The following SNTG1 variants were observed in gnomAD, a reference collection of about 807,000 sequenced individuals.
The protein encoded by SNTG1 is gamma-1-syntrophin.
A neutral mutation model predicts 74.7 loss-of-function variants in SNTG1; 39 were observed. That is an observed-to-expected ratio of 0.52 (90% CI 0.40 to 0.68). The LOEUF (loss-of-function observed/expected upper bound fraction) is 0.68. Among genes scored for constraint, SNTG1 ranks in the 30% least tolerant of loss-of-function variants. The pLI is 0.00. For missense variants in SNTG1, 685 were observed against 609.5 expected, an observed-to-expected ratio of 1.12 and a Z score of -1.30; for synonymous variants, 254 against 217.1, an observed-to-expected ratio of 1.17 and a Z score of -1.49.
chr8:50,400,569 T>A (rs1043878878), intron 3 of SNTG1, among the ~76,000 whole-genome samples: 1 of 152,200 alleles, frequency 6.6e-6, no homozygotes, highest in Non-Finnish European at 1.5e-5. Flanking sequence ...TTTTAAGGAA[T>A]CTTCATACTG....
chr8:50,442,680 T>TAAAAAAAAAAAAAAAAAAAAAAAAAAAA (rs5891365), intron 5 of SNTG1, among the ~76,000 whole-genome samples: 1 of 81,170 alleles, frequency 1.2e-5, no homozygotes, highest in African/African-American at 5.1e-5. Flanking sequence ...TGTCTATCAG[T>TAAAAAAAAAAAAAAAAAAAAAAAAAAAA]AAAAAAAAAA....
At position 50,769,939 on chromosome 8, in the gene SNTG1, C is replaced by A. The variant is rs568580607; in HGVS notation, c.1395+17828C>A. Among the ~76,000 whole-genome samples the A allele has an allele frequency of 6.6e-4, 101 of 152,140 alleles. 1 individual carries two copies. Among genetic ancestry groups the A allele is most frequent in the Middle Eastern group, 3.4e-3 (1 of 294 alleles). On this transcript the variant is annotated intron_variant, in intron 18 of 18. Transcript: ENST00000642720. ...CAGAGATAGGCAATGTAATAAGTTT[C>A]TATTTTTATTTGCCAAACTCAGTAA...
chr8:50,138,859 A>G (rs986504480), intron 1 of SNTG1, among the ~76,000 whole-genome samples: 2 of 152,054 alleles, frequency 1.3e-5, no homozygotes, highest in Non-Finnish European at 2.9e-5. Context: ...TCCTAAGCAA[A>G]TAAAAACTAT....
At chr8:50,366,944 G>T (rs2092132108) in intron 2 of SNTG1, among the ~76,000 whole-genome samples, 1 of 147,662 alleles carries the variant, frequency 6.8e-6, no homozygotes, top group Non-Finnish European at 1.5e-5. Context: ...ATATAATATA[G>T]TATACTATAA....
At chr8:50,435,657 T>C (rs1362504969) in intron 4 of SNTG1, among the ~76,000 whole-genome samples, 1 of 152,172 alleles carries the variant, frequency 6.6e-6, no homozygotes, top group Non-Finnish European at 1.5e-5. Flanking sequence ...AAACACTAAG[T>C]AACTTGTTTT....
chr8:50,582,696 A>G (rs2094618879), intron 12 of SNTG1, among the ~76,000 whole-genome samples: 1 of 152,194 alleles, frequency 6.6e-6, no homozygotes, highest in South Asian at 2.1e-4. Flanking sequence ...TTATTGAATA[A>G]GTCTGGAGGT....
intron 1 of SNTG1, among the ~76,000 whole-genome samples, chr8:49,961,132 C>T (rs912485905): frequency 2.0e-5 from 3 of 152,162 alleles, no homozygotes; most frequent in African/African-American, 7.2e-5. Flanking sequence ...TATGCAGGGT[C>T]ACCCTGTTCT....
rs187606690 is a variant in SNTG1 at position 50,628,485 on chromosome 8, C to T, written c.850-28424C>T. 2.0e-4 allele frequency among the ~76,000 whole-genome samples: 31 copies of T among 152,232 alleles called. No individual in the cohort carries two copies. In the East Asian group the frequency reaches 6.0e-3, roughly 29 times the overall value. ...TGTACATGGAGGGTCTCCTTTGCTTCTCTTCCAGAACTGTCATGTTCTAGT... is the reference window on the plus strand; with the variant it reads ...TGTACATGGAGGGTCTCCTTTGCTTTTCTTCCAGAACTGTCATGTTCTAGT... On this transcript the variant is annotated intron_variant, in intron 13 of 18. Coordinates refer to ENST00000642720, the MANE Select transcript of SNTG1 (RefSeq NM_018967.5).
At chr8:50,612,202 GA>G (rs2094855411) in intron 13 of SNTG1, among the ~76,000 whole-genome samples, 1 of 152,082 alleles carries the variant, frequency 6.6e-6, no homozygotes, top group Admixed American at 6.5e-5. Flanking sequence ...TGCTTTCTAA[GA>G]GTTTTTGAAA....
At chr8:50,073,133 T>G (rs1168224430) in intron 1 of SNTG1, among the ~76,000 whole-genome samples, 1 of 152,220 alleles carries the variant, frequency 6.6e-6, no homozygotes, top group African/African-American at 2.4e-5. Flanking sequence ...CAATTCTGTT[T>G]GATGGCACTT....
intron 13 of SNTG1, among the ~76,000 whole-genome samples, chr8:50,613,640 A>G (rs566790535): frequency 6.6e-6 from 1 of 152,286 alleles, no homozygotes; most frequent in Non-Finnish European, 1.5e-5. Context: ...CAAAATACAC[A>G]TACATGGCTG....
chr8:49,926,292 A>G (rs1201034930), intron 1 of SNTG1, among the ~76,000 whole-genome samples: 1 of 151,734 alleles, frequency 6.6e-6, no homozygotes, highest in Non-Finnish European at 1.5e-5. Context: ...TGTGAAAGGT[A>G]ACAAAAAATC....
intron 1 of SNTG1, among the ~76,000 whole-genome samples, chr8:50,001,051 C>T (rs1814695519): frequency 6.6e-6 from 1 of 152,180 alleles, no homozygotes; most frequent in Non-Finnish European, 1.5e-5. Flanking sequence ...TCATACGCCA[C>T]TGCATTAGGG....
intron 15 of SNTG1, among the ~76,000 whole-genome samples, chr8:50,685,952 G>C (rs2095350725): frequency 6.6e-6 from 1 of 151,124 alleles, no homozygotes; most frequent in Non-Finnish European, 1.5e-5. Context: ...ATAGAGACAT[G>C]TGTGTGTGTG....
intron 1 of SNTG1, among the ~76,000 whole-genome samples, chr8:49,977,863 G>A (rs766494177): frequency 6.6e-6 from 1 of 152,212 alleles, no homozygotes; most frequent in African/African-American, 2.4e-5. Context: ...GTGGAGATGT[G>A]GCACCACAAA....
intron 9 of SNTG1, among the ~76,000 whole-genome samples, chr8:50,512,280 G>C (rs181696589): frequency 2.0e-5 from 3 of 152,060 alleles, no homozygotes; most frequent in East Asian, 3.9e-4. Flanking sequence ...TCCACCGAGA[G>C]ATCAGCTGTT....
intron 12 of SNTG1, among the ~76,000 whole-genome samples, chr8:50,558,636 G>GC (rs367645964): frequency 0.034 from 5,038 of 146,280 alleles, 135 homozygotes; most frequent in African/African-American, 0.065. Flanking sequence ...TGGCTGCAGT[G>GC]TTTTTTTTTT....
At chr8:50,721,418 CTT>C (rs957827875) in intron 17 of SNTG1, among the ~76,000 whole-genome samples, 14 of 152,112 alleles carry the variant, frequency 9.2e-5, no homozygotes, top group Non-Finnish European at 2.1e-4. Flanking sequence ...TTATGGGAAA[CTT>C]TTCACATATG....
At chr8:50,360,387 G>A (rs1191974311) in intron 2 of SNTG1, among the ~76,000 whole-genome samples, 2 of 151,972 alleles carry the variant, frequency 1.3e-5, no homozygotes, top group Non-Finnish European at 2.9e-5. Context: ...TTTCTTTTTG[G>A]GTTTTCTTTT....
Sources: allele counts gnomAD v4.1 joint callset (sites outside exome capture counted in the v4.1 genomes callset), GRCh38; gene constraint gnomAD v4.1.1; transcripts MANE v1.5; gene names NCBI Gene and HGNC (gene_info 2026-07-23, HGNC 2026-07-21).